Variants in MKX observed in about 807,000 individuals in gnomAD.
MKX encodes the protein mohawk homeobox.
Under a neutral mutation model 36.0 loss-of-function variants are expected in MKX, and 13 were observed. That is an observed-to-expected ratio of 0.36 (90% CI 0.24 to 0.57). The LOEUF is 0.57. Among genes scored for constraint, MKX ranks in the 20% least tolerant of loss-of-function variants. The probability of loss-of-function intolerance (pLI) is 0.79; values close to 1 mark genes in which losing one functional copy is unlikely to be tolerated. For synonymous variants in MKX, 176 were observed against 178.3 expected, an observed-to-expected ratio of 0.99 and a Z score of 0.10; for missense variants, 458 against 456.4, an observed-to-expected ratio of 1.00 and a Z score of -0.03.
chr10:27,701,606 A>T (rs1356798344), intron 5 of MKX, among the ~76,000 whole-genome samples: 2 of 145,382 alleles, frequency 1.4e-5, no homozygotes, highest in South Asian at 2.1e-4. Flanking sequence ...TTTTAATATT[A>T]AAAATAATTA....
At chr10:27,682,354 A>G (rs1359037698) in intron 5 of MKX, among the ~76,000 whole-genome samples, 1 of 152,182 alleles carries the variant, frequency 6.6e-6, no homozygotes, top group East Asian at 1.9e-4. Context: ...TTGTAGAAGA[A>G]AAAAATTTTA....
chr10:27,710,403 C>T (rs192183357), intron 5 of MKX, among the ~76,000 whole-genome samples: 1 of 152,328 alleles, frequency 6.6e-6, no homozygotes, highest in African/African-American at 2.4e-5. Flanking sequence ...GATTCCCCCT[C>T]TCACCAGCTC....
At chr10:27,732,437 A>G (rs1422731969) in intron 5 of MKX, among the ~76,000 whole-genome samples, 3 of 152,296 alleles carry the variant, frequency 2.0e-5, no homozygotes, top group Admixed American at 6.5e-5. Context: ...ACAACTGTGC[A>G]TAGTACTTCA....
At chr10:27,687,946 G>A (rs191689772) in intron 5 of MKX, among the ~76,000 whole-genome samples, 1 of 152,332 alleles carries the variant, frequency 6.6e-6, no homozygotes, top group Admixed American at 6.5e-5. Context: ...GTAGTGTAAT[G>A]GTCAGAGTCC....
At chr10:27,706,923 C>T (rs1162862687) in intron 5 of MKX, among the ~76,000 whole-genome samples, 1 of 152,214 alleles carries the variant, frequency 6.6e-6, no homozygotes. Context: ...GTGCTGTATG[C>T]ACCCTGTATT....
At chr10:27,713,965 C>T (rs1411368513) in intron 5 of MKX, among the ~76,000 whole-genome samples, 1 of 144,388 alleles carries the variant, frequency 6.9e-6, no homozygotes, top group Admixed American at 7.4e-5. Flanking sequence ...TCTTACTTCT[C>T]ACCTGCTCCT....
At chr10:27,730,215 A>G (rs1834593507) in intron 5 of MKX, among the ~76,000 whole-genome samples, 1 of 152,162 alleles carries the variant, frequency 6.6e-6, no homozygotes, top group Non-Finnish European at 1.5e-5. Flanking sequence ...AAATGTTTCA[A>G]CCCATTTGTA....
intron 5 of MKX, among the ~76,000 whole-genome samples, chr10:27,723,620 T>G (rs1477328085): frequency 1.3e-5 from 2 of 152,184 alleles, no homozygotes; most frequent in African/African-American, 4.8e-5. Context: ...GCTAGGAATT[T>G]TATGTTTAGA....
At chr10:27,687,196 GGGTTTCACTATGTT>G (rs1836372829) in intron 5 of MKX, among the ~76,000 whole-genome samples, 1 of 151,926 alleles carries the variant, frequency 6.6e-6, no homozygotes, top group African/African-American at 2.4e-5. Context: ...TAGTAGAGAC[GGGTTTCACTATGTT>G]GGTCAGGCTG....
At chr10:27,693,722 A>C (rs998827859) in intron 5 of MKX, among the ~76,000 whole-genome samples, 1 of 152,222 alleles carries the variant, frequency 6.6e-6, no homozygotes, top group Non-Finnish European at 1.5e-5. Context: ...ACTGATTTAG[A>C]GAAATGGCCA....
At chr10:27,716,036 A>G (rs1836958129) in intron 5 of MKX, among the ~76,000 whole-genome samples, 1 of 152,218 alleles carries the variant, frequency 6.6e-6, no homozygotes, top group Admixed American at 6.5e-5. Flanking sequence ...TCAAACAGAT[A>G]TGAATTCGAA....
chr10:27,739,406 C>T (rs906125248), intron 3 of MKX, among the ~76,000 whole-genome samples: 2 of 151,950 alleles, frequency 1.3e-5, no homozygotes, highest in Non-Finnish European at 1.5e-5. Flanking sequence ...TATCTTACCC[C>T]ACTTAAAATT....
chr10:27,696,332 G>T (rs1238368387), intron 5 of MKX, among the ~76,000 whole-genome samples: 1 of 152,032 alleles, frequency 6.6e-6, no homozygotes, highest in African/African-American at 2.4e-5. Flanking sequence ...TGTCAGACAC[G>T]GGTACCCAAT....
At chr10:27,696,551 A>C (rs1836558239) in intron 5 of MKX, among the ~76,000 whole-genome samples, 1 of 152,156 alleles carries the variant, frequency 6.6e-6, no homozygotes, top group Non-Finnish European at 1.5e-5. Flanking sequence ...AAATTCTCAA[A>C]AGAGCACAAG....
At chr10:27,686,633 T>G (rs546287841) in intron 5 of MKX, among the ~76,000 whole-genome samples, 1 of 151,750 alleles carries the variant, frequency 6.6e-6, no homozygotes, top group Non-Finnish European at 1.5e-5. Flanking sequence ...CCCACCACCA[T>G]GCCCAGCTAA....
chr10:27,711,481 T>TTCTTTCTTTCTTTCTTTC (rs1554772187), intron 5 of MKX, among the ~76,000 whole-genome samples: 5 of 17,670 alleles, frequency 2.8e-4, no homozygotes, highest in Non-Finnish European at 7.6e-4. Context: ...CTTTCTTTCT[T>TTCTTTCTTTCTTTCTTTC]TCTCTCTCTC....
intron 5 of MKX, among the ~76,000 whole-genome samples, chr10:27,685,732 C>G (rs575593295): frequency 2.5e-4 from 38 of 152,220 alleles, no homozygotes; most frequent in Admixed American, 1.6e-3. Flanking sequence ...TTACAGGCGT[C>G]AGCCACCACA....
At chr10:27,718,158 C>T (rs7077315) in intron 5 of MKX, among the ~76,000 whole-genome samples, 3,726 of 151,906 alleles carry the variant, frequency 0.025, 164 homozygotes, top group African/African-American at 0.085. Context: ...AACAAACCAA[C>T]GAAGAATCTA....
chr10:27,702,286 G>A (rs1050441074), intron 5 of MKX, among the ~76,000 whole-genome samples: 4 of 152,086 alleles, frequency 2.6e-5, no homozygotes, highest in African/African-American at 9.7e-5. Flanking sequence ...GTCTAAATAC[G>A]AAGGTTAGTG....
Sources: gnomAD v4.1 joint callset for allele counts (sites outside exome capture counted in the v4.1 genomes callset) on GRCh38, gnomAD v4.1.1 for gene constraint, MANE v1.5 for transcripts, NCBI Gene and HGNC (gene_info 2026-07-23, HGNC 2026-07-21) for gene names.